MYO7A: variants seen among roughly 807,000 people sequenced by gnomAD.
MYO7A encodes myosin VIIA.
A neutral mutation model predicts 263.8 loss-of-function variants in MYO7A; 210 were observed. That is an observed-to-expected ratio of 0.80 (90% CI 0.71 to 0.89). The LOEUF (loss-of-function observed/expected upper bound fraction) is 0.89. Among genes scored for constraint, MYO7A ranks in the 40% least tolerant of loss-of-function variants. The pLI is 0.00. For synonymous variants in MYO7A, 1,239 were observed against 1,197.3 expected, an observed-to-expected ratio of 1.03 and a Z score of -0.72; for missense variants, 2,820 against 2,968.3, an observed-to-expected ratio of 0.95 and a Z score of 1.16.
At chr11:77,211,799 C>G (rs762885397) in intron 45 of MYO7A, 22 bp from the exon 46 acceptor site, 1 of 1,601,640 alleles carries the variant, frequency 6.2e-7, no homozygotes, top group South Asian at 1.1e-5. Context: ...TGAGCCCAGC[C>G]CTGACCGCCC....
chr11:77,201,070 G>A (rs1400705911), intron 35 of MYO7A, among the ~76,000 whole-genome samples: 1 of 152,256 alleles, frequency 6.6e-6, no homozygotes, highest in Non-Finnish European at 1.5e-5. Flanking sequence ...CCAGAGCACA[G>A]GGGGCAGAGA....
rs1398097247 is a variant in MYO7A, at chr11:77,188,585, C to CAGGCA, written c.3504-757_3504-756insGCAAG. On this transcript the variant is annotated intron_variant, in intron 27 of 48. Transcript: ENST00000409709. ...CCCTTGTCCTTGAACAGGCAGGCTG[C>CAGGCA]AGTCTTAGAGTACTCAGTTTGCAGA... Among the ~76,000 whole-genome samples the CAGGCA allele has an allele frequency of 6.2e-3, 947 of 152,302 alleles. 12 individuals are homozygous for CAGGCA. The highest frequency in any genetic ancestry group is 0.021 in the African/African-American group (884 of 41,566).
Position 77,182,563 on chromosome 11 carries a change from A to G in MYO7A, c.3248A>G (p.Tyr1083Cys). Residue 1083 changes from tyrosine (Y) to cysteine (C), a missense_variant, in exon 25 of 49, where the codon TAC becomes TGC. Transcript: ENST00000409709. ...TATGAGACCCTGGGCAAGAAGACGT[A>G]CAAGAGGGAGCTGCAGGCCCTGCAG... Reference protein sequence around the residue: ...KIYETLGKKTYKRELQALQGE... With the variant: ...KIYETLGKKTCKRELQALQGE... 2 of 1,613,258 alleles carry G rather than the reference A, an allele frequency of 1.2e-6. No homozygotes were observed. Among genetic ancestry groups the G allele is most frequent in the Non-Finnish European group, 1.7e-6 (2 of 1,179,840 alleles).
rs1951683564 is a variant in MYO7A at position 77,147,807 on chromosome 11, A to G, written c.142A>G (p.Ile48Val). ...VVDDEDNEHW[I>V]SPQNATHIKP... is the part of the protein sequence containing the mutation. Reference sequence around the variant, plus strand: ...TTCTGGCTCCCCGCAGGAACACTGGATCTCTCCGCAGAACGCAACGCACAT... The same window carrying G: ...TTCTGGCTCCCCGCAGGAACACTGGGTCTCTCCGCAGAACGCAACGCACAT... Residue 48 changes from isoleucine to valine, a missense_variant, in exon 4 of 49, where the codon ATC becomes GTC. Coordinates refer to ENST00000409709, the MANE Select transcript of MYO7A (RefSeq NM_000260.4). 1 of 1,610,044 alleles carries G rather than the reference A, an allele frequency of 6.2e-7. No homozygotes were observed. The highest frequency in any genetic ancestry group is 2.2e-5 in the East Asian group (1 of 44,794).
chr11:77,175,739 G>A (rs1485770170), intron 18 of MYO7A, among the ~76,000 whole-genome samples: 1 of 152,254 alleles, frequency 6.6e-6, no homozygotes, highest in Non-Finnish European at 1.5e-5. Context: ...GCCCACAGCA[G>A]GGAGGCAGGG....
intron 35 of MYO7A, among the ~76,000 whole-genome samples, chr11:77,200,220 A>G (rs1157842743): frequency 6.6e-6 from 1 of 151,972 alleles, no homozygotes; most frequent in East Asian, 1.9e-4. Flanking sequence ...GCAGTGAGCC[A>G]TGATTGTGCC....
Position 77,190,772 on chromosome 11 carries a change from TCGGCAACCA to T in MYO7A, c.3831_3839del (p.Thr1278_Ala1280del). 1 of 1,598,436 alleles carries T rather than the reference TCGGCAACCA, an allele frequency of 6.3e-7. No homozygotes were observed. Among genetic ancestry groups the T allele is most frequent in the Non-Finnish European group, 8.5e-7 (1 of 1,173,036 alleles). On this transcript the variant is annotated inframe_deletion, in exon 30 of 49. Coordinates refer to ENST00000409709, the MANE Select transcript of MYO7A (RefSeq NM_000260.4). ...GACCACCAAGACCCTGCTGACGGAC[TCGGCAACCA>T]CGGCCAAGGAGCTCTGCAACGCGCT...
chr11:77,131,138 C>G (rs782013208), intron 2 of MYO7A, among the ~76,000 whole-genome samples: 7 of 152,206 alleles, frequency 4.6e-5, no homozygotes, highest in East Asian at 3.9e-4. Flanking sequence ...CTCCAGCCCC[C>G]CTTCCTACTG....
intron 33 of MYO7A, among the ~76,000 whole-genome samples, chr11:77,197,827 C>T (rs1292939349): frequency 1.3e-5 from 2 of 152,268 alleles, no homozygotes; most frequent in African/African-American, 2.4e-5. Flanking sequence ...CAGGGGCCCC[C>T]GTCAGTGGAC....
chr11:77,149,375 G>A (rs1368393312), intron 4 of MYO7A, among the ~76,000 whole-genome samples: 1 of 152,210 alleles, frequency 6.6e-6, no homozygotes, highest in African/African-American at 2.4e-5. Flanking sequence ...TGGGCTTCTG[G>A]AGGTGGGTGA....
In MYO7A at chr11:77,147,952, T is replaced by C. The variant is rs782292032; in HGVS notation, c.285+2T>C. ...CGCTACCGGGACCACCTCATCTACG[T>C]GAGTGCCGCCCCGCCCGGTGCCCGT... On this transcript the variant is annotated splice_donor_variant, in intron 4 of 48. Coordinates refer to ENST00000409709, the MANE Select transcript of MYO7A (RefSeq NM_000260.4). LOFTEE classifies it high-confidence loss of function. 8 of 1,543,160 alleles carry C rather than the reference T, an allele frequency of 5.2e-6. No individual in the cohort carries two copies. Among genetic ancestry groups the C allele is most frequent in the Non-Finnish European group, 7.0e-6 (8 of 1,143,316 alleles).
intron 15 of MYO7A, 56 bp from the exon 16 acceptor site, chr11:77,172,692 G>A: frequency 6.5e-7 from 1 of 1,544,128 alleles, no homozygotes; most frequent in Non-Finnish European, 8.7e-7. Context: ...GGCGGCTCCT[G>A]GGACACTGGA....
chr11:77,181,829 G>A, intron 23 of MYO7A, 122 bp from the exon 24 acceptor site: 1 of 776,436 alleles, frequency 1.3e-6, no homozygotes, highest in East Asian at 2.7e-5. Context: ...CTGTTGCTCA[G>A]GCTGGAGTGC....
chr11:77,192,389 C>A, intron 31 of MYO7A, 111 bp downstream of exon 31: 2 of 1,125,582 alleles, frequency 1.8e-6, no homozygotes, highest in Non-Finnish European at 2.6e-6. Flanking sequence ...CTGGGGTGAG[C>A]CTGACTGCAA....
intron 23 of MYO7A, among the ~76,000 whole-genome samples, 160 bp from the exon 24 acceptor site, chr11:77,181,791 T>TG (rs1410040046): frequency 5.5e-5 from 8 of 145,710 alleles, no homozygotes; most frequent in South Asian, 2.2e-4. Context: ...TTTTTTTTTT[T>TG]TTTTTTTTTT....
At chr11:77,166,245 T>C in intron 15 of MYO7A, 83 bp downstream of exon 15, 4 of 1,208,464 alleles carry the variant, frequency 3.3e-6, no homozygotes, top group Non-Finnish European at 4.8e-6. Flanking sequence ...GTCCAACAGC[T>C]TCAGCTGAGC....
chr11:77,211,732 G>A (rs1045199758), intron 45 of MYO7A, 89 bp from the exon 46 acceptor site: 8 of 991,930 alleles, frequency 8.1e-6, no homozygotes, highest in Non-Finnish European at 1.3e-5. Context: ...CAGGGGTGGT[G>A]TGGGGAGGAC....
intron 27 of MYO7A, among the ~76,000 whole-genome samples, chr11:77,186,356 C>T (rs1555088462): frequency 6.6e-6 from 1 of 152,194 alleles, no homozygotes; most frequent in Non-Finnish European, 1.5e-5. Context: ...CAGCCATTGA[C>T]TTCTCTCTAG....
At position 77,130,762 on chromosome 11, in the gene MYO7A, G is replaced by A. The variant is rs529961670; in HGVS notation, c.18+110G>A. 80 of 1,302,726 alleles carry A rather than the reference G, an allele frequency of 6.1e-5. No individual in the cohort carries two copies. The African/African-American group carries it at 9.6e-4, about 16-fold the overall frequency. 80.7% of individuals were successfully genotyped at this position (1,302,726 alleles called of 1,614,324 possible). ...CAGGGTGTTCTCTTGGAAAATTCCT[G>A]CCTAGGCTTCCAAACCCAGCCCTCC... On this transcript the variant is annotated intron_variant, in intron 2 of 48. Transcript: ENST00000409709.
Sources: allele counts gnomAD v4.1 joint callset (sites outside exome capture counted in the v4.1 genomes callset), GRCh38; gene constraint gnomAD v4.1.1; transcripts MANE v1.5; gene names NCBI Gene and HGNC (gene_info 2026-07-23, HGNC 2026-07-21).